PLAA: variants seen among roughly 807,000 people sequenced by gnomAD.
PLAA encodes the protein phospholipase A-2-activating protein.
Under a neutral mutation model 84.1 loss-of-function variants are expected in PLAA, and 48 were observed. The observed-to-expected ratio is 0.57, with a 90% CI of 0.45 to 0.73. The LOEUF is 0.73. PLAA is among the 30% of genes least tolerant of loss of function. The probability of loss-of-function intolerance (pLI) is 0.00; values close to 1 mark genes in which losing one functional copy is unlikely to be tolerated. For missense variants in PLAA, 903 were observed against 954.7 expected (o/e 0.95, Z 0.71); for synonymous variants, 392 against 336.6 (o/e 1.16, Z -1.80).
intron 13 of PLAA, among the ~76,000 whole-genome samples, chr9:26,907,422 A>C (rs1228274226): frequency 6.6e-6 from 1 of 152,122 alleles, no homozygotes; most frequent in African/African-American, 2.4e-5. Context: ...CCAGCTACTA[A>C]GGAGGCTGAG....
At chr9:26,931,109 C>A in intron 2 of PLAA, among the ~76,000 whole-genome samples, 1 of 143,700 alleles carries the variant, frequency 7.0e-6, no homozygotes, top group African/African-American at 2.6e-5. Flanking sequence ...TGACAGGAGC[C>A]AATTTAAAGA....
chr9:26,926,352 T>C (rs752641358), intron 5 of PLAA, 41 bp downstream of exon 5: 1 of 1,346,958 alleles, frequency 7.4e-7, no homozygotes, highest in East Asian at 2.3e-5. Context: ...GGAATAATGC[T>C]CAATACAAAA....
intron 2 of PLAA, among the ~76,000 whole-genome samples, chr9:26,929,485 GA>G (rs887576046): frequency 2.7e-5 from 4 of 150,118 alleles, no homozygotes; most frequent in Non-Finnish European, 4.4e-5. Flanking sequence ...AAAGATAAAA[GA>G]AAAAAAAAGA....
chr9:26,910,370 G>A lies in PLAA; in HGVS notation c.1625C>T (p.Thr542Ile), dbSNP rs1824362136. The change falls in exon 12 of 14, where the codon ACA (threonine) becomes ATA (isoleucine). Residue 542 changes from threonine (T) to isoleucine (I), a missense_variant. Transcript: ENST00000397292. ...TTGTGTAGGGTTTGCTTGGTCAAATGTGACAGCCTCTTTTTTAGGGAAATA... is the reference window on the plus strand; with the variant it reads ...TTGTGTAGGGTTTGCTTGGTCAAATATGACAGCCTCTTTTTTAGGGAAATA... ...NIYFPKKEAV[T>I]FDQANPTQIL... is the part of the protein sequence containing the mutation. 6 of 1,613,084 alleles carry A rather than the reference G, an allele frequency of 3.7e-6. No individual in the cohort carries two copies. The highest frequency in any genetic ancestry group is 1.1e-5 in the South Asian group (1 of 91,052).
In PLAA at chr9:26,942,877, CAA is replaced by C. The variant is rs34134451; in HGVS notation, c.149+4018_149+4019del. Among the ~76,000 whole-genome samples, 7 of 51,340 alleles carry C rather than the reference CAA, an allele frequency of 1.4e-4. No individual in the cohort carries two copies. In the South Asian group the frequency reaches 3.7e-3, roughly 27 times the overall value. The allele number at this position is 51,340 out of a possible 152,430, so 33.7% of individuals were successfully genotyped here. A position where few individuals can be genotyped will look rare whatever the true frequency, so the allele number is the denominator to read the frequency against. On this transcript the variant is annotated intron_variant, in intron 1 of 13. Coordinates refer to ENST00000397292, the MANE Select transcript of PLAA (RefSeq NM_001031689.3). ...CTGGGCGACAGAGCGAGACTCGTCTCAAAAAAAAAAAAAAAAAAAAAGGCACA... is the reference window on the plus strand; with the variant it reads ...CTGGGCGACAGAGCGAGACTCGTCTCAAAAAAAAAAAAAAAAAAAGGCACA...
At chr9:26,915,151 G>A (rs144590064) in intron 10 of PLAA, among the ~76,000 whole-genome samples, 2 of 151,932 alleles carry the variant, frequency 1.3e-5, no homozygotes, top group African/African-American at 4.8e-5. Flanking sequence ...GGCAGAGTTT[G>A]TGGTGAGCTG....
At position 26,947,088 on chromosome 9, in the gene PLAA, G is replaced by C; in HGVS notation, c.-43C>G. 2 of 1,480,552 alleles carry C rather than the reference G, an allele frequency of 1.4e-6. No individual in the cohort carries two copies. Among genetic ancestry groups the C allele is most frequent in the Non-Finnish European group, 1.8e-6 (2 of 1,113,766 alleles). The allele number at this position is 1,480,552 out of a possible 1,614,324, so 91.7% of individuals were successfully genotyped here. A position where few individuals can be genotyped will look rare whatever the true frequency, so the allele number is the denominator to read the frequency against. ...CGCCCGGTGCCCAGGCACTGTGCGA[G>C]ACCAGTCCGCAGGGGCGACTCGGAG... On this transcript the variant is annotated 5_prime_UTR_variant, in exon 1 of 14. Transcript: ENST00000397292.
At chr9:26,923,037 G>GAGAA in intron 7 of PLAA, 141 bp downstream of exon 7, 5 of 594,468 alleles carry the variant, frequency 8.4e-6, no homozygotes, top group Non-Finnish European at 8.9e-6. Flanking sequence ...TTCTCATAGT[G>GAGAA]ATTATATGTA....
rs1179864175 is a variant in PLAA, at chr9:26,907,828, A to G, written c.1822+6T>C. On this transcript the variant is annotated splice_donor_region_variant and intron_variant, in intron 13 of 13. Coordinates refer to ENST00000397292, the MANE Select transcript of PLAA (RefSeq NM_001031689.3). ...CTGGTTACATTTTTGAAGAGTGTTT[A>G]TTTACCTTCAGGACAGTTAATAGCT... The G allele has an allele frequency of 3.1e-6, 5 of 1,591,878 alleles. No individual in the cohort carries two copies. The highest frequency in any genetic ancestry group is 4.3e-6 in the Non-Finnish European group (5 of 1,174,366).
intron 1 of PLAA, among the ~76,000 whole-genome samples, chr9:26,936,986 C>A (rs1825379499): frequency 6.6e-6 from 1 of 151,990 alleles, no homozygotes; most frequent in South Asian, 2.1e-4. Context: ...ACTAAAAATA[C>A]AAAAATTAGC....
At position 26,941,679 on chromosome 9, in the gene PLAA, T is replaced by C. The variant is rs143319504; in HGVS notation, c.149+5218A>G. 3.5e-3 allele frequency among the ~76,000 whole-genome samples: 531 copies of C among 151,780 alleles called. 5 individuals are homozygous for C. Among genetic ancestry groups the C allele is most frequent in the African/African-American group, 0.012 (508 of 41,324 alleles). On this transcript the variant is annotated intron_variant, in intron 1 of 13. Coordinates refer to ENST00000397292, the MANE Select transcript of PLAA (RefSeq NM_001031689.3). ...TTTTTTAAATTGTCATTATCATCCT[T>C]AGAGGTATAAGATATTGCAACCATG...
chr9:26,904,699 G>A lies in PLAA; in HGVS notation c.*812C>T, dbSNP rs534736904. 21 of 152,220 alleles carry A rather than the reference G, an allele frequency of 1.4e-4. No individual in the cohort carries two copies. The highest frequency in any genetic ancestry group is 1.2e-3 in the Admixed American group (19 of 15,278). 9.4% of individuals were successfully genotyped at this position (152,220 alleles called of 1,614,324 possible). A position where few individuals can be genotyped will look rare whatever the true frequency, so the allele number is the denominator to read the frequency against. ...TCTAGACTTTCAAATAATACAGTTTGATGTACTCTTGCTTATGTAACCACC... is the reference window on the plus strand; with the variant it reads ...TCTAGACTTTCAAATAATACAGTTTAATGTACTCTTGCTTATGTAACCACC... On this transcript the variant is annotated 3_prime_UTR_variant, in exon 14 of 14. Coordinates refer to ENST00000397292, the MANE Select transcript of PLAA (RefSeq NM_001031689.3).
intron 9 of PLAA, among the ~76,000 whole-genome samples, chr9:26,918,776 G>T (rs1824658005): frequency 6.6e-6 from 1 of 152,122 alleles, no homozygotes; most frequent in Non-Finnish European, 1.5e-5. Flanking sequence ...CTTCCTAGGG[G>T]CCAGAATTTG....
At chr9:26,926,611 T>A (rs1170702026) in intron 4 of PLAA, 51 bp from the exon 5 acceptor site, 4 of 1,366,300 alleles carry the variant, frequency 2.9e-6, no homozygotes, top group Non-Finnish European at 4.1e-6. Flanking sequence ...ATTTGGCTGA[T>A]GGCTCTATAC....
chr9:26,947,204 A>T lies in PLAA; in HGVS notation c.-159T>A, dbSNP rs1825763969. On this transcript the variant is annotated 5_prime_UTR_variant, in exon 1 of 14. Transcript: ENST00000397292. ...GAGCCGGTACGGAAGGGCGGCTGGG[A>T]AGGGGCGCGCCGAGCGGGCCGAGTG... 4.8e-6 allele frequency: 4 copies of T among 831,200 alleles called. No homozygotes were observed. The South Asian group carries it at 8.0e-5, about 17-fold the overall frequency. The allele number at this position is 831,200 out of a possible 1,614,324, so 51.5% of individuals were successfully genotyped here.
chr9:26,916,386 G>A, intron 10 of PLAA: 2 of 986,980 alleles, frequency 2.0e-6, no homozygotes, highest in East Asian at 2.3e-4. Flanking sequence ...CTGCCTTAAA[G>A]TCCAACTCTG....
At chr9:26,944,537 T>A (rs1825629813) in intron 1 of PLAA, among the ~76,000 whole-genome samples, 3 of 152,164 alleles carry the variant, frequency 2.0e-5, no homozygotes, top group Admixed American at 2.0e-4. Context: ...GGAAGAAAAA[T>A]TGTCTTTGGC....
intron 11 of PLAA, among the ~76,000 whole-genome samples, chr9:26,913,666 C>G (rs1005344339): frequency 3.3e-5 from 5 of 152,106 alleles, no homozygotes; most frequent in African/African-American, 1.2e-4. Flanking sequence ...GGGGATAAGG[C>G]TGAAGTACGT....
chr9:26,929,560 T>C (rs897866328), intron 2 of PLAA, among the ~76,000 whole-genome samples: 3 of 152,128 alleles, frequency 2.0e-5, no homozygotes, highest in African/African-American at 4.8e-5. Flanking sequence ...GAACCTTGGA[T>C]TGGGAAACCT....
Sources: allele counts gnomAD v4.1 joint callset (sites outside exome capture counted in the v4.1 genomes callset), GRCh38; gene constraint gnomAD v4.1.1; transcripts MANE v1.5; gene names NCBI Gene and HGNC (gene_info 2026-07-23, HGNC 2026-07-21).